The following RELT variants were observed in gnomAD, a reference collection of about 807,000 sequenced individuals.
The protein encoded by RELT is tumor necrosis factor receptor superfamily member 19L.
Under a neutral mutation model 51.1 loss-of-function variants are expected in RELT, and 37 were observed. That is an observed-to-expected ratio of 0.72 (90% CI 0.56 to 0.95). The LOEUF (loss-of-function observed/expected upper bound fraction) is 0.95. Ranked by LOEUF, RELT falls within the 40% of genes least tolerant of loss-of-function variation. The pLI is 0.00. For synonymous variants in RELT, 241 were observed against 235.7 expected, an observed-to-expected ratio of 1.02 and a Z score of -0.21; for missense variants, 535 against 572.6, an observed-to-expected ratio of 0.93 and a Z score of 0.67.
chr11:73,381,003 G>GACA (rs1164069227), intron 1 of RELT, among the ~76,000 whole-genome samples: 9 of 152,150 alleles, frequency 5.9e-5, no homozygotes, highest in Admixed American at 5.9e-4. Context: ...TTATGGCCCG[G>GACA]GAGGCTGTCA....
intron 1 of RELT, among the ~76,000 whole-genome samples, chr11:73,385,229 AGTGGCGTGGCAGGGCCCGGGTGAC>A (rs1866106209): frequency 6.6e-6 from 1 of 151,694 alleles, no homozygotes; most frequent in South Asian, 2.1e-4. Context: ...GGGGAGGGGG[AGTGGCGTGGCAGGGCCCGGGTGAC>A]CCCAGCGAGC....
rs1565220970 is a variant in RELT at position 73,388,126 on chromosome 11, C to A, written c.-25-986C>A. ...TGGGCCTGGGGGCCTCAGTCTCAGA[C>A]CGGTGGGCCGTGACGCCACCATGGA... On this transcript the variant is annotated intron_variant, in intron 1 of 10. Coordinates refer to ENST00000064780, the MANE Select transcript of RELT (RefSeq NM_152222.2). The surrounding 1 kb of genome is among the most constrained non-coding windows in gnomAD (Gnocchi z 4.1). Among the ~76,000 whole-genome samples, 3 of 152,226 alleles carry A rather than the reference C, an allele frequency of 2.0e-5. No homozygotes were observed. Among genetic ancestry groups the A allele is most frequent in the Admixed American group, 6.5e-5 (1 of 15,290 alleles).
chr11:73,395,187 TC>T lies in RELT; in HGVS notation c.1151del (p.Pro384HisfsTer13). 1.9e-6 allele frequency: 3 copies of T among 1,613,038 alleles called. No individual in the cohort carries two copies. The highest frequency in any genetic ancestry group is 1.3e-5 in the African/African-American group (1 of 74,956). ...AGPSWGDLPD[S>X]PQPGLPPEQQ... Reference sequence around the variant, plus strand: ...GCCCTCGTGGGGTGATCTCCCTGACTCCCCACAGCCTGGCCTCCCCCCTGAG... The same window carrying T: ...GCCCTCGTGGGGTGATCTCCCTGACTCCCACAGCCTGGCCTCCCCCCTGAG... On this transcript the variant is annotated frameshift_variant, in exon 10 of 11. Coordinates refer to ENST00000064780, the MANE Select transcript of RELT (RefSeq NM_152222.2). LOFTEE classifies it high-confidence loss of function.
intron 6 of RELT, chr11:73,393,563 C>A: frequency 1.4e-6 from 2 of 1,407,838 alleles, no homozygotes; most frequent in Non-Finnish European, 1.9e-6. Flanking sequence ...CCCCCTCGCC[C>A]GCCCAATTCA....
intron 5 of RELT, 144 bp downstream of exon 5, chr11:73,391,367 T>G: frequency 1.4e-6 from 1 of 718,626 alleles, no homozygotes; most frequent in South Asian, 1.9e-5. Context: ...AGCCAAAGGG[T>G]CTCCAGCAGG....
chr11:73,395,412 C>A, intron 10 of RELT, 32 bp from the exon 11 acceptor site: 1 of 1,102,306 alleles, frequency 9.1e-7, no homozygotes, highest in Non-Finnish European at 1.4e-6. Context: ...CAGCCCCTGA[C>A]TCAGCTCTGA....
Position 73,396,705 on chromosome 11 carries a change from T to G in RELT, c.*1214T>G, listed in dbSNP as rs959971645. ...TATCCGCCTGTTCCACTTGTACCTG[T>G]CCAGCCCTGCCCTGTGTTGGGCACC... On this transcript the variant is annotated 3_prime_UTR_variant, in exon 11 of 11. Coordinates refer to ENST00000064780, the MANE Select transcript of RELT (RefSeq NM_152222.2). 8.5e-5 allele frequency: 13 copies of G among 152,298 alleles called. No individual in the cohort carries two copies. The highest frequency in any genetic ancestry group is 3.1e-4 in the African/African-American group (13 of 41,454). The allele number at this position is 152,298 out of a possible 1,614,324, so 9.4% of individuals were successfully genotyped here.
At chr11:73,393,693 A>C in intron 6 of RELT, 144 bp from the exon 7 acceptor site, 4 of 1,587,040 alleles carry the variant, frequency 2.5e-6, no homozygotes, top group Non-Finnish European at 3.4e-6. Flanking sequence ...CCACATTTGC[A>C]GGGCTCTGGG....
intron 5 of RELT, chr11:73,391,933 T>C: frequency 1.8e-6 from 1 of 560,532 alleles, no homozygotes. Context: ...ATGTGTCCTG[T>C]GTGCCATCTC....
chr11:73,395,517 C>G lies in RELT; in HGVS notation c.*26C>G. ...GGGGCGGTCTAGTCTAAGGACACTG[C>G]GGCCCTGCCCTGGGAGGTTCCGAAG... On this transcript the variant is annotated 3_prime_UTR_variant, in exon 11 of 11. Transcript: ENST00000064780. 1 of 783,162 alleles carries G rather than the reference C, an allele frequency of 1.3e-6. No individual in the cohort carries two copies. The highest frequency in any genetic ancestry group is 1.7e-5 in the Admixed American group (1 of 59,032). 48.5% of individuals were successfully genotyped at this position (783,162 alleles called of 1,614,324 possible). A position where few individuals can be genotyped will look rare whatever the true frequency, so the allele number is the denominator to read the frequency against.
chr11:73,379,581 C>T lies in RELT; in HGVS notation c.-26+3082C>T, dbSNP rs935180082. Among the ~76,000 whole-genome samples, 4 of 152,234 alleles carry T rather than the reference C, an allele frequency of 2.6e-5. No individual in the cohort carries two copies. The East Asian group carries it at 7.7e-4, about 29-fold the overall frequency. ...GGGACTTACCCTAGGACTCCTAGAA[C>T]CTTCACCTTCCAGACGCGGTACCTG... On this transcript the variant is annotated intron_variant, in intron 1 of 10. Transcript: ENST00000064780.
In RELT at chr11:73,390,579, C is replaced by T; in HGVS notation, c.74C>T (p.Thr25Ile). 6.2e-7 allele frequency: 1 copy of T among 1,614,094 alleles called. No homozygotes were observed. The highest frequency in any genetic ancestry group is 8.5e-7 in the Non-Finnish European group (1 of 1,180,008). The change falls in exon 3 of 11, where the codon ACA (threonine) becomes ATA (isoleucine). Residue 25 changes from threonine to isoleucine, a missense_variant. By Grantham distance (89) the Thr-to-Ile change is moderately conservative. Coordinates refer to ENST00000064780, the MANE Select transcript of RELT (RefSeq NM_152222.2). ...MLLPWPLATL[T>I]STTLWQCPPG... Reference sequence around the variant, plus strand: ...CTGCCCTGGCCTCTCGCCACCCTGACATCAACAACCCTTTGGCAGTGCCCA... The same window carrying T: ...CTGCCCTGGCCTCTCGCCACCCTGATATCAACAACCCTTTGGCAGTGCCCA...
Position 73,391,011 on chromosome 11 carries a change from C to T in RELT, c.287+90C>T, listed in dbSNP as rs1866205285. On this transcript the variant is annotated intron_variant, in intron 4 of 10. Transcript: ENST00000064780. ...CCAGCCTTATTGTACCCTGAGCAGG[C>T]CTCATTCTTCCCATCTGTGAAATGG... is the stretch of plus-strand genomic sequence containing the variant. 2.0e-6 allele frequency: 3 copies of T among 1,538,456 alleles called. No individual in the cohort carries two copies. In the South Asian group the frequency reaches 3.4e-5, roughly 18 times the overall value.
At chr11:73,377,271 T>C (rs918562985) in intron 1 of RELT, among the ~76,000 whole-genome samples, 1 of 149,526 alleles carries the variant, frequency 6.7e-6, no homozygotes, top group Non-Finnish European at 1.5e-5. Context: ...GTGGTGTCAG[T>C]GTGTGTGTGT....
At chr11:73,393,715 C>T in intron 6 of RELT, 122 bp from the exon 7 acceptor site, 1 of 1,570,202 alleles carries the variant, frequency 6.4e-7, no homozygotes, top group Non-Finnish European at 8.8e-7. Flanking sequence ...GGCTTGTCAC[C>T]TAAATGCACA....
At chr11:73,392,653 G>A (rs1382690396) in intron 6 of RELT, 185 bp downstream of exon 6, 2 of 1,420,662 alleles carry the variant, frequency 1.4e-6, no homozygotes, top group Admixed American at 2.5e-5. Flanking sequence ...GGCCGTGGGG[G>A]CAGAGCAGAG....
At chr11:73,392,685 C>T in intron 6 of RELT, 2 of 1,430,280 alleles carry the variant, frequency 1.4e-6, no homozygotes, top group Non-Finnish European at 1.8e-6. Flanking sequence ...GGTCAAGTGG[C>T]TTCAGTGGAT....
intron 1 of RELT, among the ~76,000 whole-genome samples, chr11:73,381,837 G>A (rs1400213095): frequency 1.3e-5 from 2 of 152,162 alleles, no homozygotes; most frequent in Non-Finnish European, 2.9e-5. Flanking sequence ...CAGAGAGGCC[G>A]AGGCCCCTCT....
At chr11:73,393,326 T>C (rs1866249339) in intron 6 of RELT, 35 of 1,042,052 alleles carry the variant, frequency 3.4e-5, no homozygotes, top group Non-Finnish European at 4.1e-5. Context: ...GGGAGCTCTG[T>C]TTGCTGCTGG....
Sources: gnomAD v4.1 joint callset for allele counts (sites outside exome capture counted in the v4.1 genomes callset) on GRCh38, gnomAD v4.1.1 for gene constraint, Gnocchi (gnomAD v3.1) non-coding constraint, MANE v1.5 for transcripts, NCBI Gene and HGNC (gene_info 2026-07-23, HGNC 2026-07-21) for gene names.